The following OR6N1 variants were observed in gnomAD, a reference collection of about 807,000 sequenced individuals.
OR6N1 encodes the protein olfactory receptor family 6 subfamily N member 1.
For missense variants in OR6N1, 394 were observed against 371.7 expected, an observed-to-expected ratio of 1.06 and a Z score of -0.49; for synonymous variants, 170 against 150.7, an observed-to-expected ratio of 1.13 and a Z score of -0.94.
chr1:158,804,266 C>A, the OR6N1 span, among the ~76,000 whole-genome samples: 2 of 152,156 alleles, frequency 1.3e-5, no homozygotes, highest in Non-Finnish European at 2.9e-5. Context: ...TTAGGTTCTG[C>A]ATGTGGTTTA....
the OR6N1 span, among the ~76,000 whole-genome samples, chr1:158,826,954 CCAAA>C: frequency 6.6e-6 from 1 of 152,052 alleles, no homozygotes; most frequent in Non-Finnish European, 1.5e-5. Context: ...TCCTTGAGTA[CCAAA>C]CAAAGAATCA....
chr1:158,794,097 C>A, the OR6N1 span, among the ~76,000 whole-genome samples: 7 of 152,194 alleles, frequency 4.6e-5, no homozygotes, highest in South Asian at 1.4e-3. Context: ...GAGGGCACTC[C>A]TCCTATGGGG....
chr1:158,781,038 G>T, the OR6N1 span: 1 of 152,214 alleles, frequency 6.6e-6, no homozygotes, highest in African/African-American at 2.4e-5. Context: ...TCAAGTCCCA[G>T]TTGCTTAACT....
the OR6N1 span, among the ~76,000 whole-genome samples, chr1:158,788,239 A>T: frequency 3.7e-3 from 566 of 152,320 alleles, 3 homozygotes; most frequent in African/African-American, 0.013. Flanking sequence ...AAAATTTAAG[A>T]AAAGTTCTTA....
the OR6N1 span, among the ~76,000 whole-genome samples, chr1:158,800,645 C>G: frequency 1.3e-5 from 2 of 152,102 alleles, no homozygotes; most frequent in African/African-American, 2.4e-5. Context: ...CTACTCCACA[C>G]ACATTGTTCT....
the OR6N1 span, among the ~76,000 whole-genome samples, chr1:158,783,501 C>G: frequency 1.3e-5 from 2 of 152,180 alleles, no homozygotes; most frequent in African/African-American, 4.8e-5. Context: ...GTCTCTTTCA[C>G]CAAGTAACAC....
the OR6N1 span, among the ~76,000 whole-genome samples, chr1:158,828,622 C>T: frequency 1.3e-5 from 2 of 152,226 alleles, no homozygotes; most frequent in South Asian, 2.1e-4. Flanking sequence ...CATTGAGTGT[C>T]TGTGGCTTTT....
At chr1:158,821,037 G>A in the OR6N1 span, among the ~76,000 whole-genome samples, 4 of 152,164 alleles carry the variant, frequency 2.6e-5, no homozygotes, top group African/African-American at 4.8e-5. Flanking sequence ...ATCACAGGGC[G>A]ATCACTTTTG....
chr1:158,777,312 T>G, the OR6N1 span: 7 of 1,613,882 alleles, frequency 4.3e-6, no homozygotes, highest in Middle Eastern at 1.6e-4. Context: ...ATTCAGACGC[T>G]CCCAAGGAGT....
the OR6N1 span, among the ~76,000 whole-genome samples, chr1:158,814,924 C>G: frequency 6.6e-6 from 1 of 152,054 alleles, no homozygotes; most frequent in South Asian, 2.1e-4. Flanking sequence ...TGCAAACTGA[C>G]CAAGGGCTAT....
At chr1:158,827,754 G>C in the OR6N1 span, among the ~76,000 whole-genome samples, 1 of 152,240 alleles carries the variant, frequency 6.6e-6, no homozygotes, top group African/African-American at 2.4e-5. Flanking sequence ...TTGTCTGGTG[G>C]AGAACCAACA....
the OR6N1 span, among the ~76,000 whole-genome samples, chr1:158,802,229 A>G: frequency 8.1e-6 from 1 of 123,124 alleles, no homozygotes; most frequent in Non-Finnish European, 1.6e-5. Flanking sequence ...TTTTTTTGAA[A>G]CGGAGTCTTG....
At chr1:158,795,287 A>C in the OR6N1 span, among the ~76,000 whole-genome samples, 1 of 152,144 alleles carries the variant, frequency 6.6e-6, no homozygotes, top group Non-Finnish European at 1.5e-5. Context: ...GGCAGCCTTC[A>C]CTCAGAAGAC....
At chr1:158,809,066 T>C in the OR6N1 span, 2 of 152,868 alleles carry the variant, frequency 1.3e-5, no homozygotes, top group East Asian at 3.9e-4. Flanking sequence ...ATGAGACGGG[T>C]GAACACCCTT....
chr1:158,787,207 G>A, the OR6N1 span, among the ~76,000 whole-genome samples: 3 of 151,982 alleles, frequency 2.0e-5, no homozygotes, highest in South Asian at 2.1e-4. Flanking sequence ...GCTCTACCAC[G>A]TGACATGTTG....
upstream of OR6N1, chr1:158,775,988 G>A (rs905715667): frequency 6.6e-6 from 1 of 152,150 alleles, no homozygotes; most frequent in African/African-American, 2.4e-5. Flanking sequence ...AAAAATTGTG[G>A]TTTGGAGATA....
the OR6N1 span, among the ~76,000 whole-genome samples, chr1:158,797,368 G>A: frequency 2.3e-4 from 35 of 152,188 alleles, no homozygotes; most frequent in Middle Eastern, 6.8e-3. Flanking sequence ...ATGACAAATC[G>A]GGGGGAAAGC....
the OR6N1 span, among the ~76,000 whole-genome samples, chr1:158,827,853 C>T: frequency 7.9e-5 from 12 of 152,182 alleles, no homozygotes; most frequent in African/African-American, 2.9e-4. Flanking sequence ...TGAGACTGGG[C>T]CTTTTACCAA....
the OR6N1 span, among the ~76,000 whole-genome samples, chr1:158,818,459 T>C: frequency 6.6e-6 from 1 of 152,204 alleles, no homozygotes; most frequent in Admixed American, 6.5e-5. Context: ...ATTGATGTAG[T>C]CAGTCTCTGT....
Sources: allele counts gnomAD v4.1 joint callset (sites outside exome capture counted in the v4.1 genomes callset), GRCh38; gene constraint gnomAD v4.1.1; transcripts MANE v1.5; gene names NCBI Gene and HGNC (gene_info 2026-07-23, HGNC 2026-07-21).